Variants in SHISA9 observed in about 807,000 individuals in gnomAD.
SHISA9 encodes the protein protein shisa-9.
Under a neutral mutation model 38.0 loss-of-function variants are expected in SHISA9, and 13 were observed. The observed-to-expected ratio is 0.34, with a 90% CI of 0.22 to 0.54. SHISA9 has a LOEUF of 0.54. Ranked by LOEUF, SHISA9 falls within the 20% of genes least tolerant of loss-of-function variation. The probability of loss-of-function intolerance (pLI) is 0.91; values close to 1 mark genes in which losing one functional copy is unlikely to be tolerated. For synonymous variants in SHISA9, 275 were observed against 242.0 expected, an observed-to-expected ratio of 1.14 and a Z score of -1.27; for missense variants, 538 against 575.8, an observed-to-expected ratio of 0.93 and a Z score of 0.67.
chr16:13,165,100 C>G (rs2050624722), intron 2 of SHISA9, among the ~76,000 whole-genome samples: 2 of 151,996 alleles, frequency 1.3e-5, no homozygotes, highest in African/African-American at 4.8e-5. Context: ...GTTTGTTAGC[C>G]TTCTTGGCTT....
At chr16:13,349,221 G>A in the SHISA9 span, among the ~76,000 whole-genome samples, 1 of 152,320 alleles carries the variant, frequency 6.6e-6, no homozygotes, top group East Asian at 1.9e-4. Context: ...TTGCAAGGCA[G>A]CATCGGTTTA....
chr16:13,369,969 C>T, the SHISA9 span, among the ~76,000 whole-genome samples: 1 of 151,982 alleles, frequency 6.6e-6, no homozygotes, highest in Non-Finnish European at 1.5e-5. Context: ...GAGTAGTATT[C>T]CATGGTATAA....
At chr16:13,253,342 C>T in the SHISA9 span, among the ~76,000 whole-genome samples, 1 of 152,148 alleles carries the variant, frequency 6.6e-6, no homozygotes, top group Non-Finnish European at 1.5e-5. Flanking sequence ...ACTATCATGT[C>T]AACGTCATCA....
At chr16:13,141,208 CTTTTTTCTACGCAGGT>C (rs1176355228) in intron 2 of SHISA9, among the ~76,000 whole-genome samples, 2 of 152,038 alleles carry the variant, frequency 1.3e-5, no homozygotes, top group East Asian at 3.9e-4. Context: ...TCCTTCCAGT[CTTTTTTCTACGCAGGT>C]TTTTTTCTAC....
rs1202098640 is a variant in SHISA9 at position 13,111,354 on chromosome 16, A to C, written c.692-92040A>C. On this transcript the variant is annotated intron_variant, in intron 2 of 4. Transcript: ENST00000558583. ...AACTTAAACAAATTACAAAAAAAAA[A>C]AAAAACCCAAAAACAAAAAAACAGC... Among the ~76,000 whole-genome samples the C allele has an allele frequency of 2.0e-5, 3 of 151,744 alleles. No individual in the cohort carries two copies. The East Asian group carries it at 5.8e-4, about 29-fold the overall frequency.
At chr16:13,459,238 A>C in the SHISA9 span, among the ~76,000 whole-genome samples, 2 of 152,198 alleles carry the variant, frequency 1.3e-5, no homozygotes, top group East Asian at 3.8e-4. Flanking sequence ...CGTACCTTAC[A>C]AGTCACGTGC....
intron 2 of SHISA9, among the ~76,000 whole-genome samples, chr16:13,001,378 C>T (rs757730482): frequency 6.6e-6 from 1 of 152,118 alleles, no homozygotes; most frequent in Admixed American, 6.5e-5. Flanking sequence ...GACTAAGGAT[C>T]GGGGGGCCTT....
the SHISA9 span, among the ~76,000 whole-genome samples, chr16:13,346,813 G>A: frequency 0.81 from 122,775 of 152,198 alleles, 49,663 homozygotes; most frequent in East Asian, 0.96. Context: ...ACTTCAAGTA[G>A]CCTTCCATGT....
chr16:13,439,763 T>G, the SHISA9 span, among the ~76,000 whole-genome samples: 1 of 152,226 alleles, frequency 6.6e-6, no homozygotes, highest in Non-Finnish European at 1.5e-5. Flanking sequence ...TCTCCGCTGC[T>G]GCCAGCGTGT....
chr16:13,011,199 A>G (rs1596582688), intron 2 of SHISA9, among the ~76,000 whole-genome samples: 1 of 152,198 alleles, frequency 6.6e-6, no homozygotes, highest in Non-Finnish European at 1.5e-5. Context: ...TATTTCTTAA[A>G]AATAAATTTT....
At chr16:13,296,460 C>G in the SHISA9 span, among the ~76,000 whole-genome samples, 1 of 151,468 alleles carries the variant, frequency 6.6e-6, no homozygotes, top group African/African-American at 2.4e-5. Context: ...TCACTGTGTC[C>G]GAGAATACTG....
At chr16:12,926,523 A>G (rs561886757) in intron 2 of SHISA9, among the ~76,000 whole-genome samples, 1 of 152,254 alleles carries the variant, frequency 6.6e-6, no homozygotes, top group Admixed American at 6.5e-5. Flanking sequence ...TGAATTAGAC[A>G]TAAATAGGAC....
the SHISA9 span, among the ~76,000 whole-genome samples, chr16:13,308,589 C>T: frequency 6.6e-6 from 1 of 152,156 alleles, no homozygotes; most frequent in African/African-American, 2.4e-5. Flanking sequence ...TCCCTCCCTC[C>T]AATTCTATCC....
At chr16:13,268,486 G>A in the SHISA9 span, among the ~76,000 whole-genome samples, 1 of 152,028 alleles carries the variant, frequency 6.6e-6, no homozygotes, top group South Asian at 2.1e-4. Context: ...TCCATCCTGG[G>A]TGACAAAAGC....
At chr16:13,203,698 A>AT (rs1182046891) in intron 3 of SHISA9, 149 bp downstream of exon 3, 1 of 832,554 alleles carries the variant, frequency 1.2e-6, no homozygotes, top group Non-Finnish European at 1.7e-6. Context: ...CCTCTATCTC[A>AT]TTTTTGTTCT....
chr16:13,447,645 T>C, the SHISA9 span, among the ~76,000 whole-genome samples: 3 of 152,166 alleles, frequency 2.0e-5, no homozygotes, highest in East Asian at 1.9e-4. Context: ...CTTTGGGAGA[T>C]AGACATGCAT....
chr16:13,402,305 C>G, the SHISA9 span, among the ~76,000 whole-genome samples: 1 of 151,952 alleles, frequency 6.6e-6, no homozygotes, highest in African/African-American at 2.4e-5. Flanking sequence ...ATTTCCCTGT[C>G]TGAGACCTAA....
chr16:13,346,438 C>T, the SHISA9 span, among the ~76,000 whole-genome samples: 3 of 152,198 alleles, frequency 2.0e-5, no homozygotes, highest in Admixed American at 6.5e-5. Context: ...GCATCAGTGT[C>T]GACCGAAAAC....
intron 2 of SHISA9, chr16:13,197,697 C>G (rs891516576): frequency 7.2e-5 from 11 of 152,182 alleles, no homozygotes; most frequent in Admixed American, 7.2e-4. Context: ...AGTCTTCATT[C>G]ATTATTTCGA....
Sources: allele counts gnomAD v4.1 joint callset (sites outside exome capture counted in the v4.1 genomes callset), GRCh38; gene constraint gnomAD v4.1.1; transcripts MANE v1.5; gene names NCBI Gene and HGNC (gene_info 2026-07-23, HGNC 2026-07-21).